Variants in DHX35 observed in about 807,000 individuals in gnomAD.
DHX35 encodes DEAH-box helicase 35, also known as probable ATP-dependent RNA helicase DHX35.
A neutral mutation model predicts 99.6 loss-of-function variants in DHX35; 84 were observed. The observed-to-expected ratio is 0.84, with a 90% CI of 0.71 to 1.01. DHX35 has a LOEUF of 1.01. Among genes scored for constraint, DHX35 ranks in the 50% least tolerant of loss-of-function variants. DHX35 has a pLI of 0.00. For synonymous variants in DHX35, 331 were observed against 316.2 expected (o/e 1.05, Z -0.50); for missense variants, 852 against 888.5 (o/e 0.96, Z 0.52).
intron 9 of DHX35, among the ~76,000 whole-genome samples, chr20:39,002,129 C>G (rs1400232192): frequency 6.6e-6 from 1 of 152,164 alleles, no homozygotes; most frequent in Non-Finnish European, 1.5e-5. Flanking sequence ...GTTTTCAGAA[C>G]TGGGGTTTAC....
At chr20:38,969,720 GT>G (rs2085965203) in intron 2 of DHX35, among the ~76,000 whole-genome samples, 1 of 152,212 alleles carries the variant, frequency 6.6e-6, no homozygotes, top group Admixed American at 6.5e-5. Context: ...CAGACACTCA[GT>G]TTTATTAGCG....
chr20:38,964,063 C>T (rs2085874488), intron 1 of DHX35, among the ~76,000 whole-genome samples: 1 of 152,146 alleles, frequency 6.6e-6, no homozygotes, highest in African/African-American at 2.4e-5. Flanking sequence ...ACAACAGGAT[C>T]TTGGCACTAG....
At chr20:39,006,934 AAGACAGCCTTACCTAT>A (rs2086628364) in intron 12 of DHX35, among the ~76,000 whole-genome samples, 2 of 152,326 alleles carry the variant, frequency 1.3e-5, no homozygotes, top group African/African-American at 4.8e-5. Flanking sequence ...ATCCAGCTTG[AAGACAGCCTTACCTAT>A]AGACAGTGAT....
chr20:39,017,045 G>C (rs186003928), intron 14 of DHX35, among the ~76,000 whole-genome samples: 188 of 152,036 alleles, frequency 1.2e-3, no homozygotes, highest in African/African-American at 4.3e-3. Context: ...TTAAGTTTTT[G>C]TGTGGTTCCA....
chr20:39,001,739 G>T lies in DHX35; in HGVS notation c.652G>T (p.Asp218Tyr). The T allele has an allele frequency of 6.2e-7, 1 of 1,606,104 alleles. No individual in the cohort carries two copies. Among genetic ancestry groups the T allele is most frequent in the Non-Finnish European group, 8.5e-7 (1 of 1,176,858 alleles). Residue 218 changes from aspartate to tyrosine, a missense_variant, in exon 9 of 22, where the codon GAT becomes TAT. Asp to Tyr is a radical substitution (Grantham distance 160). Coordinates refer to ENST00000252011, the MANE Select transcript of DHX35 (RefSeq NM_021931.4). ...ATTTTTTTCTTTTTAGAAATTCCGG[G>T]ATTTCTTTAATCAAAATGAAACCAG... is the stretch of plus-strand genomic sequence containing the variant. ...SATLDADKFR[D>Y]FFNQNETSDP...
chr20:38,999,890 G>A (rs1444126362), intron 8 of DHX35, among the ~76,000 whole-genome samples: 1 of 152,170 alleles, frequency 6.6e-6, no homozygotes, highest in Non-Finnish European at 1.5e-5. Flanking sequence ...TGATCACTTG[G>A]GTCCCTTCAG....
At chr20:39,003,978 T>TTA in intron 11 of DHX35, 71 bp downstream of exon 11, 1 of 1,558,918 alleles carries the variant, frequency 6.4e-7, no homozygotes, top group Middle Eastern at 1.9e-4. Context: ...TTACTTGTTT[T>TTA]GAAACTTGCT....
At chr20:38,972,689 T>A in intron 3 of DHX35, 38 bp downstream of exon 3, 1 of 1,453,514 alleles carries the variant, frequency 6.9e-7, no homozygotes, top group Non-Finnish European at 9.6e-7. Flanking sequence ...ACACTTCGAT[T>A]TGGCTGGAAG....
chr20:39,003,766 T>C lies in DHX35; in HGVS notation c.870T>C (p.Val290=), dbSNP rs1372861714. ...FLTGQEEVET[V]VSMLIEQARA... ...GTCTTTAGGAAGAGGTAGAAACTGT[T>C]GTGTCGATGCTCATCGAGCAGGCTC... The change falls in exon 11 of 22, where the codon GTT becomes GTC. Residue 290 remains valine (V), a synonymous_variant. Transcript: ENST00000252011. 2 of 1,613,870 alleles carry C rather than the reference T, an allele frequency of 1.2e-6. No individual in the cohort carries two copies. Among genetic ancestry groups the C allele is most frequent in the Non-Finnish European group, 1.7e-6 (2 of 1,179,868 alleles).
At chr20:38,967,577 A>G (rs993012285) in intron 1 of DHX35, among the ~76,000 whole-genome samples, 1 of 152,242 alleles carries the variant, frequency 6.6e-6, no homozygotes, top group African/African-American at 2.4e-5. Context: ...GAAGCTGCTC[A>G]CAAAATTTAA....
At chr20:39,037,912 T>C (rs2087181354) in intron 21 of DHX35, among the ~76,000 whole-genome samples, 1 of 146,350 alleles carries the variant, frequency 6.8e-6, no homozygotes. Context: ...TGGTAGAAAG[T>C]GACATTTCTG....
At chr20:39,035,497 G>A (rs899098225) in intron 21 of DHX35, among the ~76,000 whole-genome samples, 1 of 152,174 alleles carries the variant, frequency 6.6e-6, no homozygotes, top group Non-Finnish European at 1.5e-5. Context: ...CTCCATTAGG[G>A]CCAGAATTGG....
intron 1 of DHX35, chr20:38,962,900 C>T (rs1490248844): frequency 6.3e-6 from 1 of 158,838 alleles, no homozygotes; most frequent in African/African-American, 2.4e-5. Flanking sequence ...ACTTCTTTAC[C>T]TGTAAAGTGG....
At chr20:39,016,582 AAAT>A (rs1239398216) in intron 14 of DHX35, among the ~76,000 whole-genome samples, 2 of 152,234 alleles carry the variant, frequency 1.3e-5, no homozygotes, top group Non-Finnish European at 2.9e-5. Flanking sequence ...TGGCTGATAT[AAAT>A]AATGCTGCTA....
rs2086526159 is a variant in DHX35, at chr20:39,001,859, A to G, written c.755+17A>G. The G allele has an allele frequency of 6.4e-7, 1 of 1,564,436 alleles. No individual in the cohort carries two copies. The highest frequency in any genetic ancestry group is 2.2e-5 in the East Asian group (1 of 44,646). On this transcript the variant is annotated intron_variant, in intron 9 of 21. Transcript: ENST00000252011. Reference sequence around the variant, plus strand: ...TCTACAAAGGTTTGATGATGCTTGAATTCTGGATGATGGTGTTTAGAAAAC... The same window carrying G: ...TCTACAAAGGTTTGATGATGCTTGAGTTCTGGATGATGGTGTTTAGAAAAC...
intron 4 of DHX35, among the ~76,000 whole-genome samples, chr20:38,985,842 A>G (rs1157133377): frequency 6.6e-6 from 1 of 152,234 alleles, no homozygotes; most frequent in Non-Finnish European, 1.5e-5. Flanking sequence ...TAGAGCTGTC[A>G]AGTTTGAAAT....
chr20:39,011,391 A>G (rs751248884), intron 13 of DHX35, among the ~76,000 whole-genome samples: 4 of 152,084 alleles, frequency 2.6e-5, no homozygotes, highest in Non-Finnish European at 1.5e-5. Flanking sequence ...GCTGGAGTGC[A>G]GTGGTGCCAT....
At chr20:39,025,190 T>TA in intron 17 of DHX35, 40 bp from the exon 18 acceptor site, 1 of 1,587,424 alleles carries the variant, frequency 6.3e-7, no homozygotes, top group Non-Finnish European at 8.6e-7. Flanking sequence ...GTCGAGAACA[T>TA]ATCTGTTTTC....
intron 4 of DHX35, among the ~76,000 whole-genome samples, chr20:38,987,281 C>A (rs555967413): frequency 6.6e-6 from 1 of 152,086 alleles, no homozygotes; most frequent in South Asian, 2.1e-4. Context: ...TCTTTGTCAC[C>A]GAGGCTGGAG....
Sources: gnomAD v4.1 joint callset for allele counts (sites outside exome capture counted in the v4.1 genomes callset) on GRCh38, gnomAD v4.1.1 for gene constraint, MANE v1.5 for transcripts, NCBI Gene and HGNC (gene_info 2026-07-23, HGNC 2026-07-21) for gene names.